PTGES3L: variants seen among roughly 807,000 people sequenced by gnomAD.
PTGES3L encodes putative protein PTGES3L.
In PTGES3L, 17 loss-of-function variants were observed where a neutral mutation model predicts 25.0. The ratio of observed to expected loss-of-function variants is 0.68; its 90% CI spans 0.47 to 1.02. The LOEUF (loss-of-function observed/expected upper bound fraction) is 1.02. Among genes scored for constraint, PTGES3L ranks in the 50% least tolerant of loss-of-function variants. The probability of loss-of-function intolerance (pLI) is 0.00; values close to 1 mark genes in which losing one functional copy is unlikely to be tolerated. For missense variants in PTGES3L, 202 were observed against 197.5 expected (o/e 1.02, Z -0.14); for synonymous variants, 59 against 65.7 (o/e 0.90, Z 0.50).
chr17:42,975,135 C>CAAAA (rs11398866), intron 4 of PTGES3L, among the ~76,000 whole-genome samples: 6 of 96,954 alleles, frequency 6.2e-5, no homozygotes, highest in East Asian at 3.0e-4. Flanking sequence ...CATCCTGTCT[C>CAAAA]AAAAAAAAAA....
chr17:42,979,821 T>A lies in PTGES3L; in HGVS notation c.9-158A>T, dbSNP rs534501884. 1,403 of 1,409,124 alleles carry A rather than the reference T, an allele frequency of 1.0e-3. 1 individual carries two copies. Among genetic ancestry groups the A allele is most frequent in the Non-Finnish European group, 1.2e-3 (1,276 of 1,054,684 alleles). 87.3% of individuals were successfully genotyped at this position (1,409,124 alleles called of 1,614,324 possible). ...AAGGGAAGGGAATGACAGGAGTGGG[T>A]GGGTGTGGTGAATGTGAACCTGGGA... On this transcript the variant is annotated intron_variant, in intron 1 of 6. Transcript: ENST00000591916.
rs35446747 is a variant in PTGES3L at position 42,971,490 on chromosome 17, T to A, written c.378+117A>T. 2,352 of 1,055,088 alleles carry A rather than the reference T, an allele frequency of 2.2e-3. 6 individuals are homozygous for A. Among genetic ancestry groups the A allele is most frequent in the Non-Finnish European group, 2.5e-3 (1,809 of 714,012 alleles). 65.4% of individuals were successfully genotyped at this position (1,055,088 alleles called of 1,614,324 possible). On this transcript the variant is annotated intron_variant, in intron 5 of 6. Transcript: ENST00000591916. ...AGAATATCAGCATCAATGAGTAACC[T>A]GCCTAGAGAGCTTGCATATCTCTGC...
Position 42,969,000 on chromosome 17 carries a change from G to C in PTGES3L, c.*148C>G. ...TAGGAGGAAGACAAGCTTGAAGGAC[G>C]ACCCTTAATAAAGAGCTTCTAGGAA... On this transcript the variant is annotated 3_prime_UTR_variant, in exon 7 of 7. Transcript: ENST00000591916. 1.7e-6 allele frequency: 1 copy of C among 586,762 alleles called. No individual in the cohort carries two copies. The highest frequency in any genetic ancestry group is 3.0e-6 in the Non-Finnish European group (1 of 328,678). The allele number at this position is 586,762 out of a possible 1,614,324, so 36.3% of individuals were successfully genotyped here. A position where few individuals can be genotyped will look rare whatever the true frequency, so the allele number is the denominator to read the frequency against.
chr17:42,978,413 AAC>A (rs532950438), intron 4 of PTGES3L, among the ~76,000 whole-genome samples: 278 of 152,232 alleles, frequency 1.8e-3, no homozygotes, highest in South Asian at 6.4e-3. Flanking sequence ...ATCTCACACA[AAC>A]ACACACACAA....
Position 42,973,179 on chromosome 17 carries a change from C to T in PTGES3L, c.289-1483G>A, listed in dbSNP as rs1187017860. The stretch of plus-strand genomic sequence containing the variant: ...GTCTCTGCCCAGCAGCCACCCCATC[C>T]GGGAGGGAGGTGGGGGGGGGTCAGC... On this transcript the variant is annotated intron_variant, in intron 4 of 6. Transcript: ENST00000591916. Among the ~76,000 whole-genome samples the T allele has an allele frequency of 5.5e-5, 8 of 144,320 alleles. No homozygotes were observed. In the East Asian group the frequency reaches 1.4e-3, roughly 24 times the overall value. The allele number at this position is 144,320 out of a possible 152,430, so 94.7% of individuals were successfully genotyped here.
chr17:42,979,195 G>C lies in PTGES3L; in HGVS notation c.263C>G (p.Pro88Arg). 6.2e-7 allele frequency: 1 copy of C among 1,614,058 alleles called. No individual in the cohort carries two copies. The highest frequency in any genetic ancestry group is 1.1e-5 in the South Asian group (1 of 91,074). Reference protein sequence around the residue: ...VRKWKEKVAWPRLTKEDIKPV... With the variant: ...VRKWKEKVAWRRLTKEDIKPV... ...CTTGATATCCTCCTTGGTAAGCCGCGGCCAGGCCACCTTTTCCTTCCATTT... is the reference window on the plus strand; with the variant it reads ...CTTGATATCCTCCTTGGTAAGCCGCCGCCAGGCCACCTTTTCCTTCCATTT... The change falls in exon 4 of 7, where the codon CCG (proline) becomes CGG (arginine). Residue 88 changes from proline to arginine, a missense_variant. Coordinates refer to ENST00000591916, the MANE Select transcript of PTGES3L (RefSeq NM_001261430.2).
intron 4 of PTGES3L, among the ~76,000 whole-genome samples, chr17:42,972,318 TCTCCCCCTCCCC>T (rs71157686): frequency 1.2e-3 from 9 of 7,564 alleles, no homozygotes; most frequent in East Asian, 4.9e-3. Flanking sequence ...TCCCTCTCCC[TCTCCCCCTCCCC>T]CTCCCCCTCC....
Position 42,971,662 on chromosome 17 carries a change from C to T in PTGES3L, c.323G>A (p.Arg108Lys), listed in dbSNP as rs1421612666. 6.2e-7 allele frequency: 1 copy of T among 1,614,026 alleles called. No individual in the cohort carries two copies. Among genetic ancestry groups the T allele is most frequent in the African/African-American group, 1.3e-5 (1 of 74,918 alleles). The stretch of plus-strand genomic sequence containing the variant: ...CATCTCTTCATCCCCTTCCCAGTCT[C>T]TCCAGTTATCAAAGTCCACAGACAG... ...VWLSVDFDNW[R>K]DWEGDEEMEL... Residue 108 changes from arginine (R) to lysine (K), a missense_variant, in exon 5 of 7, where the codon AGA (arginine) becomes AAA (lysine). Physicochemically the swap from Arg to Lys is conservative, Grantham distance 26 (BLOSUM62 2). Coordinates refer to ENST00000591916, the MANE Select transcript of PTGES3L (RefSeq NM_001261430.2).
chr17:42,973,124 G>A (rs1402749466), intron 4 of PTGES3L, among the ~76,000 whole-genome samples: 5 of 143,214 alleles, frequency 3.5e-5, no homozygotes, highest in Middle Eastern at 3.4e-3. Context: ...CTCTCCGCCC[G>A]GCAGCCACCC....
chr17:42,969,987 C>T (rs778314161), intron 6 of PTGES3L, among the ~76,000 whole-genome samples: 1 of 151,960 alleles, frequency 6.6e-6, no homozygotes, highest in Non-Finnish European at 1.5e-5. Flanking sequence ...ATTAGCTGGG[C>T]GTGGTGGCAG....
At chr17:42,972,108 A>G (rs1436669261) in intron 4 of PTGES3L, 2 of 171,372 alleles carry the variant, frequency 1.2e-5, no homozygotes, top group Non-Finnish European at 2.4e-5. Context: ...GAATTGCTTG[A>G]GCCTGGGAGG....
chr17:42,971,100 C>T (rs554652252), intron 5 of PTGES3L, among the ~76,000 whole-genome samples: 1 of 152,006 alleles, frequency 6.6e-6, no homozygotes, highest in Non-Finnish European at 1.5e-5. Context: ...GAATTTGAGA[C>T]CAGCCTGGCC....
intron 4 of PTGES3L, among the ~76,000 whole-genome samples, chr17:42,973,514 C>G (rs1027434819): frequency 1.3e-5 from 2 of 151,872 alleles, no homozygotes; most frequent in Non-Finnish European, 2.9e-5. Flanking sequence ...TCACTGAGAA[C>G]GGGCCAGGAT....
At position 42,968,969 on chromosome 17, in the gene PTGES3L, A is replaced by G; in HGVS notation, c.*179T>C. 1 of 547,256 alleles carries G rather than the reference A, an allele frequency of 1.8e-6. No homozygotes were observed. Among genetic ancestry groups the G allele is most frequent in the Non-Finnish European group, 3.3e-6 (1 of 305,300 alleles). The allele number at this position is 547,256 out of a possible 1,614,324, so 33.9% of individuals were successfully genotyped here. A position where few individuals can be genotyped will look rare whatever the true frequency, so the allele number is the denominator to read the frequency against. On this transcript the variant is annotated 3_prime_UTR_variant, in exon 7 of 7. Coordinates refer to ENST00000591916, the MANE Select transcript of PTGES3L (RefSeq NM_001261430.2). ...TGCATCTGATGTGGAGCCATAGTCA[A>G]GTGCCTAGGAGGAAGACAAGCTTGA...
At chr17:42,978,519 TCAC>T (rs546363825) in intron 4 of PTGES3L, among the ~76,000 whole-genome samples, 54 of 152,300 alleles carry the variant, frequency 3.5e-4, no homozygotes, top group African/African-American at 1.2e-3. Flanking sequence ...ACACATTTCA[TCAC>T]CTACAACGAA....
intron 4 of PTGES3L, among the ~76,000 whole-genome samples, chr17:42,974,412 C>T (rs1439569420): frequency 2.0e-5 from 3 of 151,700 alleles, no homozygotes; most frequent in Non-Finnish European, 2.9e-5. Context: ...AGAGACAGCC[C>T]TTCAAGGTCC....
At chr17:42,969,852 C>T (rs1273202369) in intron 6 of PTGES3L, among the ~76,000 whole-genome samples, 1 of 151,058 alleles carries the variant, frequency 6.6e-6, no homozygotes, top group Non-Finnish European at 1.5e-5. Flanking sequence ...TTGGGCCAGG[C>T]GTGGTGGCTC....
At chr17:42,976,016 T>C (rs894144041) in intron 4 of PTGES3L, among the ~76,000 whole-genome samples, 1 of 151,086 alleles carries the variant, frequency 6.6e-6, no homozygotes, top group Admixed American at 6.6e-5. Flanking sequence ...GGAGTCTCAC[T>C]CTATTGCACA....
chr17:42,975,189 A>G (rs1375479046), intron 4 of PTGES3L, among the ~76,000 whole-genome samples: 1 of 151,864 alleles, frequency 6.6e-6, no homozygotes, highest in African/African-American at 2.4e-5. Flanking sequence ...CTTGGAAGCA[A>G]GCTGGGGAGG....
Sources: gnomAD v4.1 joint callset for allele counts (sites outside exome capture counted in the v4.1 genomes callset) on GRCh38, gnomAD v4.1.1 for gene constraint, MANE v1.5 for transcripts, NCBI Gene and HGNC (gene_info 2026-07-23, HGNC 2026-07-21) for gene names.